Variants in LRBA observed in about 807,000 individuals in gnomAD.
LRBA encodes LPS responsive beige-like anchor protein, also known as lipopolysaccharide-responsive and beige-like anchor protein.
In LRBA, 176 loss-of-function variants were observed where a neutral mutation model predicts 330.0. That is an observed-to-expected ratio of 0.53 (90% confidence interval 0.47 to 0.60). The LOEUF (loss-of-function observed/expected upper bound fraction) is 0.60. Among genes scored for constraint, LRBA ranks in the 20% least tolerant of loss-of-function variants. The pLI is 0.00. For missense variants in LRBA, 3,259 were observed against 3,444.8 expected, an observed-to-expected ratio of 0.95 and a Z score of 1.35; for synonymous variants, 1,230 against 1,193.0, an observed-to-expected ratio of 1.03 and a Z score of -0.64.
intron 2 of LRBA, among the ~76,000 whole-genome samples, chr4:150,957,695 A>T (rs1382114212): frequency 2.0e-5 from 3 of 149,086 alleles, no homozygotes; most frequent in African/African-American, 7.8e-5. Flanking sequence ...AATCTGTAAA[A>T]TCAAAAGAAG....
At chr4:150,697,333 A>G (rs1253496140) in intron 36 of LRBA, among the ~76,000 whole-genome samples, 9 of 146,720 alleles carry the variant, frequency 6.1e-5, no homozygotes, top group African/African-American at 2.3e-4. Flanking sequence ...CAGAAAAAAA[A>G]AAAAAAAAAA....
rs1207298177 is a variant in LRBA at position 150,790,294 on chromosome 4, T to C, written c.5580+7787A>G. Among the ~76,000 whole-genome samples, 3 of 152,318 alleles carry C rather than the reference T, an allele frequency of 2.0e-5. No individual in the cohort carries two copies. The East Asian group carries it at 5.8e-4, about 29-fold the overall frequency. On this transcript the variant is annotated intron_variant, in intron 34 of 56. Coordinates refer to ENST00000651943, the MANE Select transcript of LRBA (RefSeq NM_001364905.1). ...AAAGGTTGTGTTTTCTAAATCCTAG[T>C]GTGCTGGTGAATCCATAGGACGCCT...
At chr4:150,853,170 C>T (rs1046592877) in intron 22 of LRBA, among the ~76,000 whole-genome samples, 7 of 151,978 alleles carry the variant, frequency 4.6e-5, no homozygotes, top group Admixed American at 2.6e-4. Flanking sequence ...CAGCATGAAA[C>T]CACAAGAAGA....
At chr4:150,934,863 C>A (rs1029863167) in intron 2 of LRBA, among the ~76,000 whole-genome samples, 1 of 152,070 alleles carries the variant, frequency 6.6e-6, no homozygotes, top group Non-Finnish European at 1.5e-5. Context: ...ACAAAATTAG[C>A]CGGGCATGGT....
chr4:150,929,399 A>C (rs1452081319), intron 2 of LRBA, among the ~76,000 whole-genome samples: 1 of 152,252 alleles, frequency 6.6e-6, no homozygotes, highest in Non-Finnish European at 1.5e-5. Flanking sequence ...GAAGTATCAA[A>C]TCTGTGAACT....
intron 37 of LRBA, among the ~76,000 whole-genome samples, chr4:150,677,354 T>G (rs1782644832): frequency 6.6e-6 from 1 of 152,196 alleles, no homozygotes; most frequent in Non-Finnish European, 1.5e-5. Flanking sequence ...AAAAACTGCA[T>G]AATGAGACTT....
chr4:150,356,384 T>G (rs1470504447), intron 47 of LRBA, among the ~76,000 whole-genome samples: 8 of 152,088 alleles, frequency 5.3e-5, no homozygotes, highest in African/African-American at 1.7e-4. Context: ...AGTTGCCAGA[T>G]TTCCTGTCCC....
intron 37 of LRBA, among the ~76,000 whole-genome samples, chr4:150,645,249 A>G (rs957649340): frequency 6.6e-6 from 1 of 150,562 alleles, no homozygotes; most frequent in African/African-American, 2.4e-5. Flanking sequence ...ATCACACACT[A>G]AATGGTTTTA....
intron 37 of LRBA, among the ~76,000 whole-genome samples, chr4:150,631,522 A>G (rs1444905314): frequency 6.6e-6 from 1 of 152,224 alleles, no homozygotes; most frequent in East Asian, 1.9e-4. Flanking sequence ...ATGTTTTAAG[A>G]TGAGAATAAA....
At chr4:150,677,135 AC>A (rs1782628731) in intron 37 of LRBA, among the ~76,000 whole-genome samples, 1 of 151,978 alleles carries the variant, frequency 6.6e-6, no homozygotes, top group Non-Finnish European at 1.5e-5. Context: ...TGACCCCCCA[AC>A]CCCCAAAAAT....
chr4:150,811,193 G>C (rs968952304), intron 31 of LRBA, among the ~76,000 whole-genome samples: 1 of 151,958 alleles, frequency 6.6e-6, no homozygotes, highest in Non-Finnish European at 1.5e-5. Context: ...AATCACAGTG[G>C]GTCATTGACT....
At chr4:150,887,750 C>T (rs528659493) in intron 17 of LRBA, among the ~76,000 whole-genome samples, 106 of 110,346 alleles carry the variant, frequency 9.6e-4, no homozygotes, top group Admixed American at 1.5e-3. Flanking sequence ...GTCTGGGCAA[C>T]AGAGCACGAC....
Position 150,683,569 on chromosome 4 carries a change from C to G in LRBA, c.5903G>C (p.Trp1968Ser), listed in dbSNP as rs1783240643. The G allele has an allele frequency of 1.2e-6, 2 of 1,613,702 alleles. No individual in the cohort carries two copies. The highest frequency in any genetic ancestry group is 2.7e-5 in the African/African-American group (2 of 74,860). The change falls in exon 37 of 57, where the codon TGG becomes TCG. Residue 1968 changes from tryptophan to serine, a missense_variant. By Grantham distance (177) the Trp-to-Ser change is radical. Transcript: ENST00000651943. Reference protein sequence around the residue: ...INILTDKHGAWGNSAVSRPLE... With the variant: ...INILTDKHGASGNSAVSRPLE... ...CCTTTACCTCACTGCAGAATTTCCCCAGGCTCCATGCTTGTCTGTGAGAAT... is the reference window on the plus strand; with the variant it reads ...CCTTTACCTCACTGCAGAATTTCCCGAGGCTCCATGCTTGTCTGTGAGAAT...
chr4:150,682,602 G>A (rs922511253), intron 37 of LRBA, among the ~76,000 whole-genome samples: 1 of 152,010 alleles, frequency 6.6e-6, no homozygotes, highest in Non-Finnish European at 1.5e-5. Context: ...AATTTTTGAA[G>A]TTTACTTTTC....
chr4:150,798,578 T>C (rs1052088275), intron 33 of LRBA, among the ~76,000 whole-genome samples: 2 of 152,192 alleles, frequency 1.3e-5, no homozygotes, highest in Non-Finnish European at 2.9e-5. Context: ...TTTTGTTTCA[T>C]GGCAGCAGAC....
At chr4:150,675,233 A>T (rs942723704) in intron 37 of LRBA, among the ~76,000 whole-genome samples, 1 of 152,196 alleles carries the variant, frequency 6.6e-6, no homozygotes, top group Non-Finnish European at 1.5e-5. Context: ...GTTGCATGAT[A>T]GTTATGAGTA....
chr4:150,371,029 G>A (rs112962144), intron 47 of LRBA, among the ~76,000 whole-genome samples: 100 of 151,866 alleles, frequency 6.6e-4, no homozygotes, highest in African/African-American at 2.2e-3. Context: ...AATGTGCCAC[G>A]GCCTACAGAG....
intron 17 of LRBA, among the ~76,000 whole-genome samples, chr4:150,885,845 T>A (rs996111142): frequency 1.3e-5 from 2 of 152,140 alleles, no homozygotes; most frequent in African/African-American, 4.8e-5. Flanking sequence ...AGTTCTTATA[T>A]CCAGGATAAG....
intron 56 of LRBA, among the ~76,000 whole-genome samples, chr4:150,271,527 G>C (rs1209721622): frequency 3.5e-5 from 4 of 113,622 alleles, no homozygotes; most frequent in Non-Finnish European, 7.1e-5. Flanking sequence ...AAGCTTGGTG[G>C]GGGGAGGAGC....
Sources: allele counts gnomAD v4.1 joint callset (sites outside exome capture counted in the v4.1 genomes callset), GRCh38; gene constraint gnomAD v4.1.1; transcripts MANE v1.5; gene names NCBI Gene and HGNC (gene_info 2026-07-23, HGNC 2026-07-21).